The following VPS13B variants were observed in gnomAD, a reference collection of about 807,000 sequenced individuals.
VPS13B encodes the protein intermembrane lipid transfer protein VPS13B.
Under a neutral mutation model 426.4 loss-of-function variants are expected in VPS13B, and 285 were observed. The observed-to-expected ratio is 0.67, with a 90% CI of 0.61 to 0.74. The LOEUF is 0.74. Among genes scored for constraint, VPS13B ranks in the 30% least tolerant of loss-of-function variants. The pLI is 0.00. For missense variants in VPS13B, 4,537 were observed against 4,782.6 expected, an observed-to-expected ratio of 0.95 and a Z score of 1.51; for synonymous variants, 1,676 against 1,676.4, an observed-to-expected ratio of 1.00 and a Z score of 0.01.
intron 37 of VPS13B, 138 bp from the exon 38 acceptor site, chr8:99,720,206 CT>C: frequency 1.4e-6 from 1 of 716,444 alleles, no homozygotes; most frequent in South Asian, 2.0e-5. Flanking sequence ...AAGTCAATTA[CT>C]TTTTAGGAAT....
At chr8:99,283,382 A>T (rs1011751454) in intron 19 of VPS13B, among the ~76,000 whole-genome samples, 1 of 152,166 alleles carries the variant, frequency 6.6e-6, no homozygotes, top group African/African-American at 2.4e-5. Context: ...CCAGTTTTCT[A>T]TCACGTTCCC....
At chr8:99,373,095 A>G (rs1357618429) in intron 19 of VPS13B, among the ~76,000 whole-genome samples, 2 of 152,206 alleles carry the variant, frequency 1.3e-5, no homozygotes, top group East Asian at 1.9e-4. Context: ...ATTCTCACTC[A>G]TAAGTGGGAG....
chr8:99,343,677 C>A (rs904643662), intron 19 of VPS13B, among the ~76,000 whole-genome samples: 1 of 152,060 alleles, frequency 6.6e-6, no homozygotes, highest in Non-Finnish European at 1.5e-5. Context: ...ATTAAGAAAG[C>A]AATTCAATTT....
At chr8:99,254,666 C>T (rs963133051) in intron 17 of VPS13B, among the ~76,000 whole-genome samples, 8 of 151,570 alleles carry the variant, frequency 5.3e-5, no homozygotes, top group African/African-American at 1.9e-4. Flanking sequence ...TATTTAGAGA[C>T]GGAATCTCAC....
intron 35 of VPS13B, among the ~76,000 whole-genome samples, chr8:99,675,421 T>C (rs1830892883): frequency 6.6e-6 from 1 of 152,146 alleles, no homozygotes; most frequent in African/African-American, 2.4e-5. Context: ...AATATGTCTT[T>C]GGGTAATCTT....
chr8:99,822,955 G>A (rs910794884), intron 50 of VPS13B, among the ~76,000 whole-genome samples: 14 of 152,108 alleles, frequency 9.2e-5, no homozygotes, highest in African/African-American at 1.9e-4. Context: ...AAATAGTTTT[G>A]ACCGTGGGAC....
intron 3 of VPS13B, among the ~76,000 whole-genome samples, chr8:99,083,080 C>T (rs1268360161): frequency 6.6e-6 from 1 of 152,130 alleles, no homozygotes; most frequent in African/African-American, 2.4e-5. Context: ...GATATTGATT[C>T]TTCCTACCCA....
At chr8:99,678,869 A>G (rs1831046849) in intron 35 of VPS13B, among the ~76,000 whole-genome samples, 1 of 152,204 alleles carries the variant, frequency 6.6e-6, no homozygotes, top group Non-Finnish European at 1.5e-5. Context: ...CCCCTTTTCA[A>G]AAATGAGTTC....
chr8:99,819,925 G>A lies in VPS13B; in HGVS notation c.8797G>A (p.Glu2933Lys), dbSNP rs1814270658. Residue 2933 changes from glutamate to lysine, a missense_variant, in exon 49 of 62, where the codon GAA becomes AAA. Glu to Lys is a moderately conservative substitution (Grantham distance 56, BLOSUM62 1). This residue lies in a region of VPS13B where 4,311 missense variants were observed against 4,474.3 expected (regional missense o/e 0.96). Transcript: ENST00000357162. The stretch of plus-strand genomic sequence containing the variant: ...TGGATGTGGTTTTTGGAACAGGAAT[G>A]AACAGCTAAGTCAGTGGGATAGCCC... ...PYNKKDSDRN[E>K]QLSQWDSPMR... 6.2e-7 allele frequency: 1 copy of A among 1,613,906 alleles called. No individual in the cohort carries two copies. Among genetic ancestry groups the A allele is most frequent in the South Asian group, 1.1e-5 (1 of 91,066 alleles).
intron 21 of VPS13B, among the ~76,000 whole-genome samples, chr8:99,395,595 G>C (rs1814688457): frequency 6.6e-6 from 1 of 152,120 alleles, no homozygotes; most frequent in Admixed American, 6.5e-5. Context: ...AAAATAGTGA[G>C]TAACTGTTAC....
chr8:99,746,185 G>A (rs749430471), intron 39 of VPS13B, among the ~76,000 whole-genome samples: 53 of 151,840 alleles, frequency 3.5e-4, no homozygotes, highest in Non-Finnish European at 5.7e-4. Context: ...CTGTAATCTA[G>A]TCATCTTATA....
chr8:99,807,045 C>T (rs1320006503), intron 43 of VPS13B, among the ~76,000 whole-genome samples: 3 of 152,172 alleles, frequency 2.0e-5, no homozygotes, highest in Non-Finnish European at 4.4e-5. Flanking sequence ...TGTTTTTTAA[C>T]AGTAGACCAA....
intron 27 of VPS13B, among the ~76,000 whole-genome samples, 168 bp from the exon 28 acceptor site, chr8:99,506,969 C>CA (rs1454843329): frequency 6.6e-6 from 1 of 152,196 alleles, no homozygotes; most frequent in Admixed American, 6.5e-5. Context: ...GCAGAACTGT[C>CA]AGAGTGCGGT....
At chr8:99,145,920 C>A (rs747757792) in intron 13 of VPS13B, among the ~76,000 whole-genome samples, 1 of 152,180 alleles carries the variant, frequency 6.6e-6, no homozygotes, top group African/African-American at 2.4e-5. Flanking sequence ...TACCATCCAA[C>A]GATGACTGTG....
intron 17 of VPS13B, among the ~76,000 whole-genome samples, chr8:99,261,586 G>A (rs1818040118): frequency 6.6e-6 from 1 of 152,176 alleles, no homozygotes; most frequent in South Asian, 2.1e-4. Context: ...ACCAAAGAGT[G>A]TGAATACTGA....
At chr8:99,643,466 G>C (rs919525868) in intron 34 of VPS13B, among the ~76,000 whole-genome samples, 4 of 152,122 alleles carry the variant, frequency 2.6e-5, no homozygotes, top group African/African-American at 9.7e-5. Flanking sequence ...GGCAGGTGTG[G>C]GAATCAGGAT....
At chr8:99,421,541 A>T (rs1588357073) in intron 21 of VPS13B, among the ~76,000 whole-genome samples, 1 of 152,318 alleles carries the variant, frequency 6.6e-6, no homozygotes, top group South Asian at 2.1e-4. Context: ...TTAGATTTAC[A>T]TCCTTGTTTT....
intron 34 of VPS13B, among the ~76,000 whole-genome samples, chr8:99,660,372 A>G (rs936612141): frequency 2.0e-5 from 3 of 152,218 alleles, no homozygotes; most frequent in African/African-American, 7.2e-5. Flanking sequence ...AAGCAATCCA[A>G]TCAATAAAAC....
chr8:99,146,807 A>C (rs1463958462), intron 13 of VPS13B, among the ~76,000 whole-genome samples: 2 of 152,096 alleles, frequency 1.3e-5, no homozygotes, highest in Non-Finnish European at 1.5e-5. Context: ...TCCTGGGCTC[A>C]AACAATCCTG....
Sources: allele counts gnomAD v4.1 joint callset (sites outside exome capture counted in the v4.1 genomes callset), GRCh38; gene constraint gnomAD v4.1.1; regional missense constraint gnomAD v4.1.1; transcripts MANE v1.5; gene names NCBI Gene and HGNC (gene_info 2026-07-23, HGNC 2026-07-21).